Variants in HMGA2 observed in about 807,000 individuals in gnomAD.
The protein encoded by HMGA2 is high mobility group protein HMGI-C.
Under a neutral mutation model 19.1 loss-of-function variants are expected in HMGA2, and 8 were observed. That is an observed-to-expected ratio of 0.42 (90% CI 0.25 to 0.76). HMGA2 has a LOEUF of 0.76. Among genes scored for constraint, HMGA2 ranks in the 30% least tolerant of loss-of-function variants. The pLI, the probability that HMGA2 is intolerant of heterozygous loss-of-function variation, is 0.28. For synonymous variants in HMGA2, 60 were observed against 48.8 expected, an observed-to-expected ratio of 1.23 and a Z score of -0.96; for missense variants, 109 against 136.3, an observed-to-expected ratio of 0.80 and a Z score of 1.00.
chr12:65,934,535 G>A (rs1181154837), intron 3 of HMGA2, among the ~76,000 whole-genome samples: 1 of 152,148 alleles, frequency 6.6e-6, no homozygotes, highest in African/African-American at 2.4e-5. Flanking sequence ...CTGTCTTCCT[G>A]AGAGCCTTGG....
At chr12:65,833,781 G>A (rs1870580867) in intron 2 of HMGA2, among the ~76,000 whole-genome samples, 1 of 152,118 alleles carries the variant, frequency 6.6e-6, no homozygotes, top group African/African-American at 2.4e-5. Flanking sequence ...GTGAACATGG[G>A]CAGGTTGCTT....
At position 65,963,288 on chromosome 12, in the gene HMGA2, A is replaced by G. The variant is rs1180385418; in HGVS notation, c.326A>G (p.Asp109Gly). 6.2e-7 allele frequency: 1 copy of G among 1,613,204 alleles called. No homozygotes were observed. The highest frequency in any genetic ancestry group is 8.5e-7 in the Non-Finnish European group (1 of 1,179,696). ...TCCTCACAAGAGTCTGCCGAAGAGG[A>G]CTAGGGGGCGCCAACGTTCGATTTC... ...ETSSQESAEE[D>G] Residue 109 changes from aspartate to glycine, a missense_variant, in exon 5 of 5, where the codon GAC becomes GGC. Physicochemically the swap from Asp to Gly is moderately conservative, Grantham distance 94. Transcript: ENST00000403681.
intron 3 of HMGA2, among the ~76,000 whole-genome samples, chr12:65,863,199 C>T (rs1320097752): frequency 6.6e-6 from 1 of 152,182 alleles, no homozygotes; most frequent in Non-Finnish European, 1.5e-5. Flanking sequence ...CCCATTTTGC[C>T]TCTGGAAAAG....
chr12:65,935,746 T>C (rs1450155089), intron 3 of HMGA2, among the ~76,000 whole-genome samples: 1 of 152,100 alleles, frequency 6.6e-6, no homozygotes, highest in African/African-American at 2.4e-5. Context: ...AAAAGAAGCT[T>C]TTTTTTTCTT....
chr12:65,837,848 T>G lies in HMGA2; in HGVS notation c.199-671T>G, dbSNP rs539015347. Among the ~76,000 whole-genome samples, 12 of 152,318 alleles carry G rather than the reference T, an allele frequency of 7.9e-5. No homozygotes were observed. The East Asian group carries it at 2.3e-3, about 29-fold the overall frequency. On this transcript the variant is annotated intron_variant, in intron 2 of 4. Transcript: ENST00000403681. ...ATTAATCATTATTTCTAGGCACATA[T>G]AGTTTTAATCACTGGGACAAACTGA...
At chr12:65,935,477 T>G (rs1477508651) in intron 3 of HMGA2, among the ~76,000 whole-genome samples, 1 of 152,166 alleles carries the variant, frequency 6.6e-6, no homozygotes, top group Non-Finnish European at 1.5e-5. Flanking sequence ...ATAGCCTAAC[T>G]ACACGTCTGT....
chr12:65,931,735 C>T (rs1274140528), intron 3 of HMGA2, among the ~76,000 whole-genome samples: 1 of 152,102 alleles, frequency 6.6e-6, no homozygotes, highest in Non-Finnish European at 1.5e-5. Flanking sequence ...CAGAACGACA[C>T]AGTCAATGCA....
intron 3 of HMGA2, among the ~76,000 whole-genome samples, chr12:65,926,980 T>C (rs994739258): frequency 2.6e-5 from 4 of 152,112 alleles, no homozygotes; most frequent in African/African-American, 9.7e-5. Flanking sequence ...CACTTAAGTG[T>C]AATGGGAGGA....
chr12:65,949,998 G>A (rs1237962791), intron 3 of HMGA2, among the ~76,000 whole-genome samples: 10 of 152,204 alleles, frequency 6.6e-5, no homozygotes, highest in Admixed American at 6.6e-4. Context: ...AAACAGCAAT[G>A]ATGTTTAACT....
Position 65,825,480 on chromosome 12 carries a change from G to C in HMGA2, c.111+99G>C, listed in dbSNP as rs1209898437. On this transcript the variant is annotated intron_variant, in intron 1 of 4. Coordinates refer to ENST00000403681, the MANE Select transcript of HMGA2 (RefSeq NM_003483.6). This position sits in a 1 kb window ranked among gnomAD's most constrained non-coding sequence, Gnocchi z 4.4. ...GCCGGAGTGCGGGAGCCCAGTCGCC[G>C]CGGCCGTCGCACACTGCCCGCCGGC... 1.4e-5 allele frequency: 11 copies of C among 772,616 alleles called. No individual in the cohort carries two copies. Among genetic ancestry groups the C allele is most frequent in the Non-Finnish European group, 1.4e-5 (8 of 557,196 alleles). 47.9% of individuals were successfully genotyped at this position (772,616 alleles called of 1,614,324 possible).
At chr12:65,856,368 A>G (rs989464803) in intron 3 of HMGA2, 4 of 152,234 alleles carry the variant, frequency 2.6e-5, no homozygotes, top group Non-Finnish European at 5.9e-5. Flanking sequence ...TACAGGTGAC[A>G]AAATGAAAAC....
chr12:65,943,304 G>A (rs1348289469), intron 3 of HMGA2, among the ~76,000 whole-genome samples: 3 of 152,132 alleles, frequency 2.0e-5, no homozygotes, highest in Admixed American at 2.0e-4. Flanking sequence ...ATTTTTAAAG[G>A]GCTTCCCATT....
At chr12:65,948,311 G>A (rs773451681) in intron 3 of HMGA2, 3 of 152,158 alleles carry the variant, frequency 2.0e-5, no homozygotes, top group Non-Finnish European at 4.4e-5. Context: ...TGTTATTCAG[G>A]TCTTATAAAA....
chr12:65,914,960 C>T (rs1249787246), intron 3 of HMGA2: 1 of 1,517,712 alleles, frequency 6.6e-7, no homozygotes. Context: ...CAGGCGTGAG[C>T]CATCGTGCCT....
At chr12:65,908,632 T>C (rs965392520) in intron 3 of HMGA2, among the ~76,000 whole-genome samples, 1 of 152,256 alleles carries the variant, frequency 6.6e-6, no homozygotes, top group Admixed American at 6.5e-5. Context: ...TATTTGTTTA[T>C]GCATCTATTT....
chr12:65,835,910 A>G (rs1047916066), intron 2 of HMGA2, among the ~76,000 whole-genome samples: 6 of 152,212 alleles, frequency 3.9e-5, no homozygotes, highest in Non-Finnish European at 2.9e-5. Flanking sequence ...TACTGGGTTA[A>G]CTGTGCAATC....
At chr12:65,882,071 C>T (rs1027236880) in intron 3 of HMGA2, 2 of 577,094 alleles carry the variant, frequency 3.5e-6, no homozygotes, top group Admixed American at 5.0e-5. Flanking sequence ...CCACCTTGTC[C>T]GGAGGGGAAT....
At chr12:65,946,028 C>A (rs1876251582) in intron 3 of HMGA2, among the ~76,000 whole-genome samples, 1 of 152,068 alleles carries the variant, frequency 6.6e-6, no homozygotes, top group African/African-American at 2.4e-5. Context: ...AATATGACAC[C>A]ATATTTAACT....
intron 3 of HMGA2, among the ~76,000 whole-genome samples, chr12:65,944,569 G>A (rs139414669): frequency 2.0e-4 from 30 of 152,252 alleles, no homozygotes; most frequent in Admixed American, 6.5e-4. Flanking sequence ...ATTGAGTACA[G>A]GATCTCAGAA....
Sources: gnomAD v4.1 joint callset for allele counts (sites outside exome capture counted in the v4.1 genomes callset) on GRCh38, gnomAD v4.1.1 for gene constraint, Gnocchi (gnomAD v3.1) non-coding constraint, MANE v1.5 for transcripts, NCBI Gene and HGNC (gene_info 2026-07-23, HGNC 2026-07-21) for gene names.